The following SUMF1 variants were observed in gnomAD, a reference collection of about 807,000 sequenced individuals.
SUMF1 encodes sulfatase modifying factor 1.
Under a neutral mutation model 47.6 loss-of-function variants are expected in SUMF1, and 48 were observed. The observed-to-expected ratio is 1.01, with a 90% confidence interval of 0.80 to 1.28. The LOEUF is 1.28. Among genes scored for constraint, SUMF1 ranks in the 50% most tolerant of loss-of-function variants. The probability of loss-of-function intolerance (pLI) is 0.00; values close to 1 mark genes in which losing one functional copy is unlikely to be tolerated. For synonymous variants in SUMF1, 230 were observed against 192.1 expected (o/e 1.20, Z -1.63); for missense variants, 571 against 485.4 (o/e 1.18, Z -1.66).
At chr3:4,057,407 G>T (rs532516350) in intron 9 of SUMF1, among the ~76,000 whole-genome samples, 2 of 151,796 alleles carry the variant, frequency 1.3e-5, no homozygotes, top group African/African-American at 4.8e-5. Flanking sequence ...GCAAAAAACC[G>T]CAAAAGGAAT....
intron 8 of SUMF1, among the ~76,000 whole-genome samples, chr3:4,342,227 T>C (rs1699285957): frequency 6.6e-6 from 1 of 152,214 alleles, no homozygotes; most frequent in Non-Finnish European, 1.5e-5. Context: ...CTTTCTGTTA[T>C]CATCGTTGTT....
chr3:4,432,215 C>T (rs367612885), intron 3 of SUMF1, among the ~76,000 whole-genome samples: 17 of 151,368 alleles, frequency 1.1e-4, no homozygotes, highest in East Asian at 5.8e-4. Context: ...AAGGGCATCA[C>T]CATCTCCCCA....
chr3:4,049,855 G>A, intron 9 of SUMF1, among the ~76,000 whole-genome samples: 1 of 152,096 alleles, frequency 6.6e-6, no homozygotes, highest in East Asian at 1.9e-4. Context: ...GATGAATGTG[G>A]GGGTATTATT....
intron 8 of SUMF1, among the ~76,000 whole-genome samples, chr3:4,071,474 C>G (rs1016399289): frequency 6.6e-6 from 1 of 152,202 alleles, no homozygotes; most frequent in African/African-American, 2.4e-5. Flanking sequence ...GTCTTTGCAA[C>G]CAGCAGACCA....
intron 9 of SUMF1, among the ~76,000 whole-genome samples, chr3:4,040,193 A>G (rs1694884177): frequency 6.6e-6 from 1 of 152,166 alleles, no homozygotes; most frequent in Non-Finnish European, 1.5e-5. Context: ...TACTCCTTAA[A>G]TATATACAAT....
In SUMF1 at chr3:4,261,187, T is replaced by A. The variant is rs186924463; in HGVS notation, c.1014+115143A>T. On this transcript the variant is annotated intron_variant and NMD_transcript_variant, in intron 8 of 12. Transcript: ENST00000448413. The stretch of plus-strand genomic sequence containing the variant: ...ATCTTCCCACTGTATGAGCCTGCCT[T>A]GATTGACCTTGTGTTTGCTTTATGT... 3.0e-4 allele frequency among the ~76,000 whole-genome samples: 46 copies of A among 152,288 alleles called. 1 individual carries two copies. The East Asian group carries it at 6.6e-3, about 22-fold the overall frequency.
chr3:4,375,469 T>C (rs1314363923), intron 8 of SUMF1, among the ~76,000 whole-genome samples: 4 of 152,168 alleles, frequency 2.6e-5, no homozygotes, highest in African/African-American at 7.2e-5. Flanking sequence ...CAGTATTTTA[T>C]ATAGATCCCA....
chr3:4,047,157 T>C (rs79224911), intron 9 of SUMF1, among the ~76,000 whole-genome samples: 6,308 of 152,176 alleles, frequency 0.041, 452 homozygotes, highest in African/African-American at 0.14. Flanking sequence ...ATATCACCTC[T>C]TCCAAGAGAC....
intron 8 of SUMF1, among the ~76,000 whole-genome samples, chr3:4,297,980 A>G (rs1271356306): frequency 6.6e-6 from 1 of 152,226 alleles, no homozygotes; most frequent in East Asian, 1.9e-4. Flanking sequence ...ATACCTCATA[A>G]TTTAGCCAAG....
At chr3:4,312,854 A>T in intron 8 of SUMF1, 2 of 1,547,046 alleles carry the variant, frequency 1.3e-6, no homozygotes, top group Non-Finnish European at 1.7e-6. Context: ...TATAGGAAAT[A>T]TATGACATGC....
chr3:4,129,344 T>C (rs1366147550), intron 8 of SUMF1, among the ~76,000 whole-genome samples: 1 of 152,166 alleles, frequency 6.6e-6, no homozygotes, highest in Non-Finnish European at 1.5e-5. Flanking sequence ...ATAATCTGAC[T>C]AATGTAGAGT....
chr3:4,448,587 G>A (rs1348974923), intron 3 of SUMF1, among the ~76,000 whole-genome samples: 1 of 152,136 alleles, frequency 6.6e-6, no homozygotes, highest in Non-Finnish European at 1.5e-5. Context: ...AGACATGTAA[G>A]CAAGCAAATA....
intron 8 of SUMF1, among the ~76,000 whole-genome samples, chr3:4,196,559 G>T (rs1488829519): frequency 6.6e-6 from 1 of 152,048 alleles, no homozygotes; most frequent in Admixed American, 6.6e-5. Context: ...CCTTATCAGA[G>T]GCCTTGGCTG....
chr3:4,358,577 T>C (rs1050319353), downstream of SUMF1, among the ~76,000 whole-genome samples: 11 of 152,172 alleles, frequency 7.2e-5, no homozygotes, highest in African/African-American at 2.7e-4. Flanking sequence ...CTCATAATTT[T>C]AAAGAAAACC....
chr3:4,304,955 G>A (rs1017619799), intron 8 of SUMF1, among the ~76,000 whole-genome samples: 1 of 151,474 alleles, frequency 6.6e-6, no homozygotes, highest in Non-Finnish European at 1.5e-5. Flanking sequence ...TTCAGAAGGC[G>A]GGGCAACTCA....
At chr3:4,309,060 C>A (rs1478918448) in intron 8 of SUMF1, among the ~76,000 whole-genome samples, 2 of 152,290 alleles carry the variant, frequency 1.3e-5, no homozygotes, top group African/African-American at 4.8e-5. Context: ...GCAGAGGCTT[C>A]CAGTTTCTGA....
rs531072010 is a variant in SUMF1 at position 4,116,328 on chromosome 3, T to C, written c.1015-47583A>G. ...GAAACGCAAGTAAGAACAATGATTA[T>C]TATTCCCCGGGTTCTCCTCTCTTTA... On this transcript the variant is annotated intron_variant and NMD_transcript_variant, in intron 8 of 12. Coordinates refer to the SUMF1 transcript ENST00000448413. Among the ~76,000 whole-genome samples the C allele has an allele frequency of 1.6e-4, 25 of 152,284 alleles. 1 individual carries two copies. The highest frequency in any genetic ancestry group is 1.4e-3 in the Admixed American group (21 of 15,292).
chr3:4,289,828 C>T (rs1697705869), intron 8 of SUMF1, among the ~76,000 whole-genome samples: 3 of 148,336 alleles, frequency 2.0e-5, no homozygotes, highest in Admixed American at 1.3e-4. Flanking sequence ...TTAATAAACA[C>T]GCTGAATAAC....
chr3:4,463,477 G>A (rs980613001), intron 1 of SUMF1, among the ~76,000 whole-genome samples: 3 of 152,192 alleles, frequency 2.0e-5, no homozygotes, highest in Non-Finnish European at 4.4e-5. Context: ...GTGACAGAGC[G>A]AGACTCCGTC....
Sources: gnomAD v4.1 joint callset for allele counts (sites outside exome capture counted in the v4.1 genomes callset) on GRCh38, gnomAD v4.1.1 for gene constraint, MANE v1.5 for transcripts, NCBI Gene and HGNC (gene_info 2026-07-23, HGNC 2026-07-21) for gene names.